The following PLIN3 variants were observed in gnomAD, a reference collection of about 807,000 sequenced individuals.
PLIN3 encodes the protein perilipin-3.
In PLIN3, 30 loss-of-function variants were observed where a neutral mutation model predicts 35.9. The observed-to-expected ratio is 0.84, with a 90% CI of 0.62 to 1.13. The LOEUF (loss-of-function observed/expected upper bound fraction) is 1.13, where lower values mean the gene tolerates loss of function less well. PLIN3 is among the 50% of genes most tolerant of loss of function. The pLI is 0.00. For missense variants in PLIN3, 603 were observed against 596.9 expected, an observed-to-expected ratio of 1.01 and a Z score of -0.11; for synonymous variants, 261 against 262.5, an observed-to-expected ratio of 0.99 and a Z score of 0.06.
At chr19:4,854,279 A>G (rs2030399050) in intron 4 of PLIN3, among the ~76,000 whole-genome samples, 1 of 152,082 alleles carries the variant, frequency 6.6e-6, no homozygotes. Context: ...CTCTCCGCAA[A>G]GTTGAAAACC....
At position 4,857,025 on chromosome 19, in the gene PLIN3, C is replaced by T. The variant is rs183543062; in HGVS notation, c.348+2565G>A. 4.9e-3 allele frequency among the ~76,000 whole-genome samples: 752 copies of T among 152,160 alleles called. 2 individuals are homozygous for T. Among genetic ancestry groups the T allele is most frequent in the Middle Eastern group, 0.01 (3 of 294 alleles). ...TGGTCTGTGCCTCATTTTTTCATCC[C>T]AGGCTGTTATAGGTTGAATTATGGC... On this transcript the variant is annotated intron_variant, in intron 4 of 7. Coordinates refer to ENST00000221957, the MANE Select transcript of PLIN3 (RefSeq NM_005817.5).
At chr19:4,861,827 G>A (rs2030686441) in intron 1 of PLIN3, among the ~76,000 whole-genome samples, 1 of 151,418 alleles carries the variant, frequency 6.6e-6, no homozygotes, top group Non-Finnish European at 1.5e-5. Context: ...TAGAGACGGG[G>A]TTTCACCATA....
chr19:4,857,869 G>C (rs565709882), intron 4 of PLIN3, among the ~76,000 whole-genome samples: 1 of 151,884 alleles, frequency 6.6e-6, no homozygotes, highest in South Asian at 2.1e-4. Flanking sequence ...CCAGCCACTC[G>C]GGAGGCTGAG....
intron 4 of PLIN3, among the ~76,000 whole-genome samples, chr19:4,854,780 G>T (rs2030418915): frequency 6.6e-6 from 1 of 151,888 alleles, no homozygotes; most frequent in South Asian, 2.1e-4. Context: ...AAACTCATAG[G>T]GCCCAGAATT....
At chr19:4,860,866 G>T (rs890759223) in intron 2 of PLIN3, among the ~76,000 whole-genome samples, 2 of 152,138 alleles carry the variant, frequency 1.3e-5, no homozygotes, top group African/African-American at 4.8e-5. Flanking sequence ...AGCTACTTGG[G>T]AGGCTGAGGC....
At chr19:4,849,648 T>C (rs1381417862) in intron 5 of PLIN3, among the ~76,000 whole-genome samples, 1 of 150,606 alleles carries the variant, frequency 6.6e-6, no homozygotes, top group East Asian at 1.9e-4. Flanking sequence ...TATTTACTTA[T>C]TTATTTATTT....
chr19:4,858,704 T>TTTTG (rs2030561003), intron 4 of PLIN3, among the ~76,000 whole-genome samples: 5 of 139,686 alleles, frequency 3.6e-5, no homozygotes, highest in Non-Finnish European at 4.7e-5. Context: ...TTTTTTGGTT[T>TTTTG]TTTTTTTTTT....
intron 6 of PLIN3, among the ~76,000 whole-genome samples, chr19:4,847,013 C>T (rs1208278358): frequency 6.6e-6 from 1 of 151,740 alleles, no homozygotes; most frequent in Non-Finnish European, 1.5e-5. Flanking sequence ...CCTCAGCCTC[C>T]TGAGTAGCTG....
At chr19:4,842,445 A>T (rs192846111) in intron 7 of PLIN3, among the ~76,000 whole-genome samples, 1 of 151,436 alleles carries the variant, frequency 6.6e-6, no homozygotes, top group East Asian at 2.0e-4. Flanking sequence ...AAATAAATAA[A>T]TCAAATTAGC....
At chr19:4,859,481 G>A in intron 4 of PLIN3, 109 bp downstream of exon 4, 1 of 911,952 alleles carries the variant, frequency 1.1e-6, no homozygotes, top group Non-Finnish European at 1.8e-6. Context: ...CGACAGGAGA[G>A]GCAGCAGGGA....
intron 4 of PLIN3, 132 bp from the exon 5 acceptor site, chr19:4,852,433 C>A: frequency 9.0e-7 from 1 of 1,106,178 alleles, no homozygotes; most frequent in Non-Finnish European, 1.3e-6. Context: ...CTCCGTCTTC[C>A]CTCTGTATGT....
chr19:4,862,128 G>C (rs916954906), intron 1 of PLIN3, among the ~76,000 whole-genome samples: 5 of 130,074 alleles, frequency 3.8e-5, no homozygotes, highest in Non-Finnish European at 6.6e-5. Flanking sequence ...GGGTAGAGAT[G>C]TTATCTTTTT....
At chr19:4,860,045 AG>A (rs760579139) in intron 2 of PLIN3, 21 bp from the exon 3 acceptor site, 1 of 1,611,868 alleles carries the variant, frequency 6.2e-7, no homozygotes, top group Non-Finnish European at 8.5e-7. Context: ...GAAGTGGCTC[AG>A]GCAAACTGGG....
intron 7 of PLIN3, among the ~76,000 whole-genome samples, chr19:4,843,765 T>G (rs947686646): frequency 6.0e-5 from 9 of 151,184 alleles, no homozygotes; most frequent in African/African-American, 2.2e-4. Context: ...GAGCCTGCAA[T>G]GGCGAGGCCA....
chr19:4,844,327 G>A (rs560546499), intron 7 of PLIN3, among the ~76,000 whole-genome samples: 1 of 152,088 alleles, frequency 6.6e-6, no homozygotes, highest in South Asian at 2.1e-4. Flanking sequence ...TTAGCCAGGC[G>A]TGGTGGTGAG....
At chr19:4,851,061 G>C (rs1164241877) in intron 5 of PLIN3, among the ~76,000 whole-genome samples, 1 of 152,128 alleles carries the variant, frequency 6.6e-6, no homozygotes, top group Non-Finnish European at 1.5e-5. Flanking sequence ...GCTACTCGGA[G>C]GCTGAGATGG....
In PLIN3 at chr19:4,858,700, GGTTTTTT is replaced by G. The variant is rs2030559967; in HGVS notation, c.348+883_348+889del. Among the ~76,000 whole-genome samples, 3 of 27,764 alleles carry G rather than the reference GGTTTTTT, an allele frequency of 1.1e-4. No individual in the cohort carries two copies. In the Admixed American group the frequency reaches 1.2e-3, roughly 11 times the overall value. The allele number at this position is 27,764 out of a possible 152,430, so 18.2% of individuals were successfully genotyped here. On this transcript the variant is annotated intron_variant, in intron 4 of 7. Transcript: ENST00000221957. ...CCTGGCCAGAATATGGTGTTTTTTT[GGTTTTTT>G]TTTTTTTTTTTGAGATGGAGTTTCA...
At chr19:4,851,991 A>G (rs757826806) in intron 5 of PLIN3, 25 bp downstream of exon 5, 1 of 1,601,816 alleles carries the variant, frequency 6.2e-7, no homozygotes, top group Non-Finnish European at 8.5e-7. Context: ...GAGGGGTCCC[A>G]GAGCAGCCCG....
Position 4,858,612 on chromosome 19 carries a change from G to A in PLIN3, c.348+978C>T, listed in dbSNP as rs1470791711. On this transcript the variant is annotated intron_variant, in intron 4 of 7. Coordinates refer to ENST00000221957, the MANE Select transcript of PLIN3 (RefSeq NM_005817.5). ...TTTGCCAGGATGGTCTCGATCTCCTGACCTTGTGATCCGCCCACCTCAGCC... is the reference window on the plus strand; with the variant it reads ...TTTGCCAGGATGGTCTCGATCTCCTAACCTTGTGATCCGCCCACCTCAGCC... Among the ~76,000 whole-genome samples, 6 of 151,216 alleles carry A rather than the reference G, an allele frequency of 4.0e-5. No homozygotes were observed. The East Asian group carries it at 1.2e-3, about 30-fold the overall frequency.
Sources: allele counts gnomAD v4.1 joint callset (sites outside exome capture counted in the v4.1 genomes callset), GRCh38; gene constraint gnomAD v4.1.1; transcripts MANE v1.5; gene names NCBI Gene and HGNC (gene_info 2026-07-23, HGNC 2026-07-21).